Variants in STAM2 observed in about 807,000 individuals in gnomAD.
The protein encoded by STAM2 is signal transducing adapter molecule 2.
STAM2 carries 51 observed loss-of-function variants against 65.6 expected under a neutral mutation model. That is an observed-to-expected ratio of 0.78 (90% CI 0.62 to 0.98). STAM2 has a LOEUF of 0.98. STAM2 is among the 50% of genes least tolerant of loss of function. The probability of loss-of-function intolerance (pLI) is 0.00; values close to 1 mark genes in which losing one functional copy is unlikely to be tolerated. For missense variants in STAM2, 584 were observed against 617.8 expected, an observed-to-expected ratio of 0.95 and a Z score of 0.58; for synonymous variants, 198 against 208.4, an observed-to-expected ratio of 0.95 and a Z score of 0.43.
chr2:152,123,820 G>C lies in STAM2; in HGVS notation c.1295C>G (p.Pro432Arg), dbSNP rs553092293. The C allele has an allele frequency of 2.5e-6, 4 of 1,614,092 alleles. No homozygotes were observed. Among genetic ancestry groups the C allele is most frequent in the Admixed American group, 3.3e-5 (2 of 60,014 alleles). ...PDQIGPLRSL[P>R]PNVNSSVTAQ... Reference sequence around the variant, plus strand: ...TGTCACTGAGGAATTCACATTTGGAGGCAGAGATCTCAGTGGACCAATTTG... The same window carrying C: ...TGTCACTGAGGAATTCACATTTGGACGCAGAGATCTCAGTGGACCAATTTG... Residue 432 changes from proline to arginine, a missense_variant, in exon 13 of 14, where the codon CCT becomes CGT. Transcript: ENST00000263904.
At chr2:152,165,346 G>A (rs542311676) in intron 1 of STAM2, among the ~76,000 whole-genome samples, 60 of 152,106 alleles carry the variant, frequency 3.9e-4, no homozygotes, top group African/African-American at 1.3e-3. Context: ...CAGGAGAATT[G>A]CTTGAACCCA....
intron 12 of STAM2, chr2:152,125,947 T>C (rs1688957344): frequency 4.0e-6 from 1 of 247,338 alleles, no homozygotes. Context: ...GCTTTATACT[T>C]ACAAAAGCAT....
At chr2:152,144,118 G>T in intron 6 of STAM2, 105 bp from the exon 7 acceptor site, 54 of 766,296 alleles carry the variant, frequency 7.0e-5, no homozygotes, top group East Asian at 4.9e-4. Context: ...CATTTTATTT[G>T]TCTAATTACA....
Position 152,128,955 on chromosome 2 carries a change from G to A in STAM2, c.1026-2576C>T, listed in dbSNP as rs572883391. On this transcript the variant is annotated intron_variant, in intron 11 of 13. Coordinates refer to ENST00000263904, the MANE Select transcript of STAM2 (RefSeq NM_005843.6). ...ATTCATCTTTGAATACTTGACAAGG[G>A]TAAATAATAGTCAATAAGAATTTGT... Among the ~76,000 whole-genome samples, 474 of 152,310 alleles carry A rather than the reference G, an allele frequency of 3.1e-3. 3 individuals carry two copies. The highest frequency in any genetic ancestry group is 4.8e-3 in the Non-Finnish European group (327 of 68,032).
chr2:152,130,209 C>G (rs1341729818), intron 11 of STAM2, among the ~76,000 whole-genome samples: 1 of 152,074 alleles, frequency 6.6e-6, no homozygotes, highest in Non-Finnish European at 1.5e-5. Context: ...GCTCAAAACC[C>G]TGAAAGTCTA....
chr2:152,132,678 A>G (rs542304099), intron 10 of STAM2, among the ~76,000 whole-genome samples: 2 of 152,306 alleles, frequency 1.3e-5, no homozygotes, highest in East Asian at 3.9e-4. Flanking sequence ...AGAATTATTT[A>G]CCAGAGATTC....
At chr2:152,155,974 T>C (rs1689535647) in intron 1 of STAM2, among the ~76,000 whole-genome samples, 1 of 152,192 alleles carries the variant, frequency 6.6e-6, no homozygotes, top group Non-Finnish European at 1.5e-5. Context: ...TCAAATTTTA[T>C]GAGTATGGAT....
intron 1 of STAM2, among the ~76,000 whole-genome samples, chr2:152,156,143 C>T (rs996140773): frequency 4.6e-5 from 7 of 152,038 alleles, no homozygotes; most frequent in Non-Finnish European, 7.4e-5. Context: ...CTTCTAAAGC[C>T]GCCCAACAAT....
intron 6 of STAM2, 115 bp from the exon 7 acceptor site, chr2:152,144,128 A>G (rs1452243469): frequency 4.8e-6 from 3 of 618,938 alleles, no homozygotes; most frequent in African/African-American, 3.9e-5. Context: ...GTCTAATTAC[A>G]TGCTACAGTT....
chr2:152,139,731 T>C (rs1381692299), intron 7 of STAM2, among the ~76,000 whole-genome samples: 2 of 152,160 alleles, frequency 1.3e-5, no homozygotes, highest in Admixed American at 1.3e-4. Context: ...TAGAGAGACA[T>C]ACGTAAAGAA....
intron 1 of STAM2, among the ~76,000 whole-genome samples, chr2:152,173,398 A>G (rs1025311335): frequency 3.4e-5 from 5 of 147,258 alleles, no homozygotes; most frequent in African/African-American, 1.3e-4. Context: ...GTATACATAT[A>G]TATATATATT....
At chr2:152,125,990 T>C in intron 12 of STAM2, 1 of 345,488 alleles carries the variant, frequency 2.9e-6, no homozygotes, top group Non-Finnish European at 5.1e-6. Context: ...ACATATTTAA[T>C]GGTCTTTTCA....
chr2:152,130,854 G>A (rs1334902589), intron 11 of STAM2, among the ~76,000 whole-genome samples: 7 of 151,118 alleles, frequency 4.6e-5, no homozygotes, highest in South Asian at 4.2e-4. Flanking sequence ...AAAATTAGCC[G>A]GGCATGGTGG....
rs987489613 is a variant in STAM2 at position 152,117,167 on chromosome 2, T to C, written c.*3407A>G. On this transcript the variant is annotated 3_prime_UTR_variant, in exon 14 of 14. Transcript: ENST00000263904. ...AAACTTTAATTCAGCTTGATAAAATTAGAATTCTTCTTCTGGGGAATTTTC... is the reference window on the plus strand; with the variant it reads ...AAACTTTAATTCAGCTTGATAAAATCAGAATTCTTCTTCTGGGGAATTTTC... 3 of 152,202 alleles carry C rather than the reference T, an allele frequency of 2.0e-5. No individual in the cohort carries two copies. Among genetic ancestry groups the C allele is most frequent in the South Asian group, 2.1e-4 (1 of 4,832 alleles). 9.4% of individuals were successfully genotyped at this position (152,202 alleles called of 1,614,324 possible).
intron 1 of STAM2, 137 bp from the exon 2 acceptor site, chr2:152,150,366 G>T: frequency 1.9e-6 from 1 of 518,644 alleles, no homozygotes; most frequent in Non-Finnish European, 3.4e-6. Flanking sequence ...GAAGACAAAA[G>T]TACTTCTACT....
rs146492876 is a variant in STAM2 at position 152,169,425 on chromosome 2, C to T, written c.40+6178G>A. Reference sequence around the variant, plus strand: ...CCGAGTAGCTCGGACTACAGGTGCGCGCCACCATGCTCAGCTAATTTTTGT... The same window carrying T: ...CCGAGTAGCTCGGACTACAGGTGCGTGCCACCATGCTCAGCTAATTTTTGT... On this transcript the variant is annotated intron_variant, in intron 1 of 13. Coordinates refer to ENST00000263904, the MANE Select transcript of STAM2 (RefSeq NM_005843.6). Among the ~76,000 whole-genome samples, 28 of 152,152 alleles carry T rather than the reference C, an allele frequency of 1.8e-4. 1 individual carries two copies. Among genetic ancestry groups the T allele is most frequent in the African/African-American group, 4.1e-4 (17 of 41,520 alleles).
chr2:152,135,870 A>C (rs1205264841), intron 7 of STAM2, among the ~76,000 whole-genome samples: 1 of 152,170 alleles, frequency 6.6e-6, no homozygotes, highest in Non-Finnish European at 1.5e-5. Context: ...TGGACAGATC[A>C]CCAGAGGTCA....
chr2:152,173,373 C>CAT (rs72270496), intron 1 of STAM2, among the ~76,000 whole-genome samples: 75 of 98,070 alleles, frequency 7.6e-4, no homozygotes, highest in Admixed American at 2.1e-3. Flanking sequence ...CATATATATA[C>CAT]ATATATATAT....
intron 1 of STAM2, among the ~76,000 whole-genome samples, chr2:152,162,400 C>A (rs910399161): frequency 2.0e-5 from 3 of 151,668 alleles, no homozygotes; most frequent in African/African-American, 7.3e-5. Flanking sequence ...ATAGTGAGAT[C>A]CCTCACCTCT....
Sources: gnomAD v4.1 joint callset for allele counts (sites outside exome capture counted in the v4.1 genomes callset) on GRCh38, gnomAD v4.1.1 for gene constraint, MANE v1.5 for transcripts, NCBI Gene and HGNC (gene_info 2026-07-23, HGNC 2026-07-21) for gene names.